The following MBNL2 variants were observed in gnomAD, a reference collection of about 807,000 sequenced individuals.
MBNL2 encodes the protein muscleblind-like protein 2.
A neutral mutation model predicts 41.9 loss-of-function variants in MBNL2; 17 were observed. That is an observed-to-expected ratio of 0.41 (90% CI 0.28 to 0.61). The LOEUF is 0.61. Among genes scored for constraint, MBNL2 ranks in the 20% least tolerant of loss-of-function variants. MBNL2 has a pLI of 0.35. For missense variants in MBNL2, 336 were observed against 505.6 expected (o/e 0.66, Z 3.22); for synonymous variants, 195 against 182.9 (o/e 1.07, Z -0.53).
At position 97,325,886 on chromosome 13, in the gene MBNL2, T is replaced by C. The variant is rs954964464; in HGVS notation, c.175-8390T>C. 6.6e-5 allele frequency among the ~76,000 whole-genome samples: 10 copies of C among 152,338 alleles called. No individual in the cohort carries two copies. In the South Asian group the frequency reaches 2.1e-3, roughly 32 times the overall value. ...AATTAATGTCAGGGGCCAGTGCCAG[T>C]GGTGCTTGAAAGAAGAGGGCAGTTG... On this transcript the variant is annotated intron_variant, in intron 2 of 8. Transcript: ENST00000679496.
chr13:97,195,554 C>T, the MBNL2 span, among the ~76,000 whole-genome samples: 2 of 152,078 alleles, frequency 1.3e-5, no homozygotes, highest in South Asian at 4.1e-4. Context: ...CTGTCTTTGA[C>T]TGCTCATTTT....
At chr13:97,351,232 A>G (rs2062420587) in intron 5 of MBNL2, among the ~76,000 whole-genome samples, 1 of 152,224 alleles carries the variant, frequency 6.6e-6, no homozygotes, top group South Asian at 2.1e-4. Flanking sequence ...TAAAACATTC[A>G]GTAAACCATG....
At chr13:97,369,229 G>T (rs910491019) in intron 8 of MBNL2, among the ~76,000 whole-genome samples, 1 of 152,140 alleles carries the variant, frequency 6.6e-6, no homozygotes, top group Non-Finnish European at 1.5e-5. Flanking sequence ...TTATCATCTT[G>T]TTAAGATTTC....
At chr13:97,238,023 T>A in intron 1 of MBNL2, among the ~76,000 whole-genome samples, 1 of 152,158 alleles carries the variant, frequency 6.6e-6, no homozygotes, top group African/African-American at 2.4e-5. Context: ...CACGATCAGC[T>A]TAGAAAACAG....
chr13:97,247,946 T>G (rs2045798305), intron 1 of MBNL2, among the ~76,000 whole-genome samples: 1 of 152,250 alleles, frequency 6.6e-6, no homozygotes, highest in Non-Finnish European at 1.5e-5. Context: ...TCACATGTTC[T>G]AAACTTTTCA....
At chr13:97,222,824 A>G (rs867414344) in intron 1 of MBNL2, among the ~76,000 whole-genome samples, 10 of 152,274 alleles carry the variant, frequency 6.6e-5, no homozygotes, top group Admixed American at 1.3e-4. Context: ...GAGCAATCTT[A>G]TTTTCTTGCT....
chr13:97,365,631 C>T (rs545197700), intron 8 of MBNL2, among the ~76,000 whole-genome samples: 215 of 152,284 alleles, frequency 1.4e-3, no homozygotes, highest in African/African-American at 5.1e-3. Flanking sequence ...TTTGAAACCG[C>T]ATGTCTGAGC....
At chr13:97,317,667 G>T (rs1483927117) in intron 2 of MBNL2, among the ~76,000 whole-genome samples, 4 of 152,202 alleles carry the variant, frequency 2.6e-5, no homozygotes. Flanking sequence ...TGTTAGTGGT[G>T]CCTTGTCTTG....
chr13:97,282,625 CA>C (rs1186305302), intron 2 of MBNL2, among the ~76,000 whole-genome samples: 1 of 152,150 alleles, frequency 6.6e-6, no homozygotes, highest in Non-Finnish European at 1.5e-5. Context: ...TTTTATAATG[CA>C]ACGGAGTACA....
chr13:97,356,676 C>T, intron 5 of MBNL2, 120 bp from the exon 6 acceptor site: 3 of 351,554 alleles, frequency 8.5e-6, no homozygotes, highest in African/African-American at 2.1e-5. Flanking sequence ...TTCCTTCTCA[C>T]CTATCCACAA....
intron 2 of MBNL2, among the ~76,000 whole-genome samples, chr13:97,330,199 C>T (rs1277724989): frequency 6.6e-6 from 1 of 152,184 alleles, no homozygotes; most frequent in Non-Finnish European, 1.5e-5. Flanking sequence ...AAGTATATGA[C>T]CACCTGCTGG....
chr13:97,385,953 C>A (rs577720141), intron 8 of MBNL2, among the ~76,000 whole-genome samples: 1 of 152,120 alleles, frequency 6.6e-6, no homozygotes, highest in Non-Finnish European at 1.5e-5. Flanking sequence ...CTTTTTTGAG[C>A]GCACATCATG....
At chr13:97,384,137 G>A (rs749371604) in intron 8 of MBNL2, among the ~76,000 whole-genome samples, 31 of 152,092 alleles carry the variant, frequency 2.0e-4, no homozygotes, top group Non-Finnish European at 4.0e-4. Flanking sequence ...CTGACCTCAA[G>A]TGATCTGTCC....
upstream of MBNL2, among the ~76,000 whole-genome samples, chr13:97,219,500 G>T (rs1206621994): frequency 6.6e-6 from 1 of 152,224 alleles, no homozygotes; most frequent in Non-Finnish European, 1.5e-5. Flanking sequence ...ACGTCAGAGT[G>T]CCAGCATGGT....
chr13:97,180,341 G>T, the MBNL2 span, among the ~76,000 whole-genome samples: 3 of 152,162 alleles, frequency 2.0e-5, no homozygotes, highest in African/African-American at 7.2e-5. Flanking sequence ...TGACCACTGG[G>T]TGATGATTTA....
chr13:97,199,634 G>C, the MBNL2 span, among the ~76,000 whole-genome samples: 4 of 152,346 alleles, frequency 2.6e-5, no homozygotes, highest in South Asian at 2.1e-4. Flanking sequence ...ACCAAGAAAT[G>C]CTCATCCCTG....
intron 2 of MBNL2, among the ~76,000 whole-genome samples, chr13:97,290,611 G>A (rs1009813982): frequency 6.6e-5 from 10 of 151,150 alleles, no homozygotes; most frequent in East Asian, 2.0e-4. Context: ...GGGAAGCGGA[G>A]CTTGCAGTGA....
intron 1 of MBNL2, among the ~76,000 whole-genome samples, chr13:97,269,239 C>T (rs2152908038): frequency 6.6e-6 from 1 of 152,290 alleles, no homozygotes; most frequent in South Asian, 2.1e-4. Context: ...AGCTAAAACA[C>T]ACCAGTGAGA....
the MBNL2 span, among the ~76,000 whole-genome samples, chr13:97,166,833 TAGATAGAA>T: frequency 4.7e-4 from 52 of 110,670 alleles, no homozygotes; most frequent in Non-Finnish European, 7.6e-4. Context: ...GATAGATAGA[TAGATAGAA>T]AGATAGATAG....
Sources: gnomAD v4.1 joint callset for allele counts (sites outside exome capture counted in the v4.1 genomes callset) on GRCh38, gnomAD v4.1.1 for gene constraint, MANE v1.5 for transcripts, NCBI Gene and HGNC (gene_info 2026-07-23, HGNC 2026-07-21) for gene names.